ASXL2: variants seen among roughly 807,000 people sequenced by gnomAD.
ASXL2 encodes ASXL transcriptional regulator 2.
ASXL2 carries 23 observed loss-of-function variants against 122.0 expected under a neutral mutation model. The observed-to-expected ratio is 0.19, with a 90% CI of 0.14 to 0.27. The LOEUF (loss-of-function observed/expected upper bound fraction) is 0.27, where lower values mean the gene tolerates loss of function less well. Ranked by LOEUF, ASXL2 falls within the 10% of genes least tolerant of loss-of-function variation. The probability of loss-of-function intolerance (pLI) is 1.00; values close to 1 mark genes in which losing one functional copy is unlikely to be tolerated. For synonymous variants in ASXL2, 650 were observed against 637.0 expected (o/e 1.02, Z -0.31); for missense variants, 1,518 against 1,713.8 (o/e 0.89, Z 2.02).
intron 3 of ASXL2, chr2:25,822,689 A>T: frequency 1.4e-6 from 1 of 707,504 alleles, no homozygotes; most frequent in Non-Finnish European, 2.5e-6. Context: ...GATCAATTGT[A>T]TGTTGTTTAC....
chr2:25,810,307 A>G (rs1414262243), intron 3 of ASXL2: 5 of 647,928 alleles, frequency 7.7e-6, no homozygotes, highest in African/African-American at 5.4e-5. Flanking sequence ...CTATCTGCCT[A>G]TTCTGCAGTG....
chr2:25,847,583 C>T (rs772580770), intron 1 of ASXL2, among the ~76,000 whole-genome samples: 8 of 152,128 alleles, frequency 5.3e-5, no homozygotes, highest in Non-Finnish European at 1.2e-4. Context: ...AAACTTACTG[C>T]CTTCATCCAA....
chr2:25,837,449 G>A (rs951640631), intron 2 of ASXL2, among the ~76,000 whole-genome samples: 4 of 152,124 alleles, frequency 2.6e-5, no homozygotes, highest in African/African-American at 9.7e-5. Context: ...TAAAATGACT[G>A]CAATTTATTT....
intron 4 of ASXL2, 98 bp downstream of exon 4, chr2:25,806,131 G>A: frequency 1.4e-6 from 1 of 701,660 alleles, no homozygotes; most frequent in Non-Finnish European, 2.4e-6. Flanking sequence ...CTGAAAATAA[G>A]CTCTTCAAGA....
At chr2:25,840,026 C>G (rs927612511) in intron 2 of ASXL2, among the ~76,000 whole-genome samples, 8 of 151,768 alleles carry the variant, frequency 5.3e-5, no homozygotes, top group African/African-American at 1.9e-4. Context: ...CCACCATGCC[C>G]AGCTTAAACT....
chr2:25,750,808 C>T (rs753059869), intron 11 of ASXL2, among the ~76,000 whole-genome samples: 1 of 152,130 alleles, frequency 6.6e-6, no homozygotes, highest in Non-Finnish European at 1.5e-5. Context: ...ATTGTCTGGA[C>T]GCATGCATCA....
At position 25,743,594 on chromosome 2, in the gene ASXL2, G is replaced by T; in HGVS notation, c.2743C>A (p.Pro915Thr). 1 of 1,614,036 alleles carries T rather than the reference G, an allele frequency of 6.2e-7. No individual in the cohort carries two copies. The highest frequency in any genetic ancestry group is 8.5e-7 in the Non-Finnish European group (1 of 1,179,896). The stretch of plus-strand genomic sequence containing the variant: ...GCTGCTGGCAAAGTGCTCGAGGGTG[G>T]AGCTGATCCAGCAGGTGCTGTAGTT... ...SATTAPAGSA[P>T]PSSTLPAASS... Residue 915 changes from proline to threonine, a missense_variant, in exon 13 of 13, where the codon CCA becomes ACA. Transcript: ENST00000435504.
In ASXL2 at chr2:25,744,502, C is replaced by A; in HGVS notation, c.1861-26G>T. ...CTGAAAGAAGTAGAGGGGAAAAAAACAACAGAGCTTAGTTTTCATTTGTAA... is the reference window on the plus strand; with the variant it reads ...CTGAAAGAAGTAGAGGGGAAAAAAAAAACAGAGCTTAGTTTTCATTTGTAA... On this transcript the variant is annotated intron_variant, in intron 12 of 12. Coordinates refer to ENST00000435504, the MANE Select transcript of ASXL2 (RefSeq NM_018263.6). This position sits in a 1 kb window ranked among gnomAD's most constrained non-coding sequence, Gnocchi z 4.7. 2.6e-6 allele frequency: 4 copies of A among 1,561,994 alleles called. No homozygotes were observed. The highest frequency in any genetic ancestry group is 3.4e-6 in the Non-Finnish European group (4 of 1,164,694).
Position 25,806,381 on chromosome 2 carries a change from T to C in ASXL2, c.144-44A>G, listed in dbSNP as rs369925083. The C allele has an allele frequency of 1.2e-3, 1,653 of 1,354,102 alleles. 4 individuals are homozygous for C. The highest frequency in any genetic ancestry group is 2.8e-3 in the South Asian group (223 of 80,816). The allele number at this position is 1,354,102 out of a possible 1,614,324, so 83.9% of individuals were successfully genotyped here. ...ATGTGATAAGGAACACAACAATTAA[T>C]TTCTGTCTCTGAATATCCTATGTAA... On this transcript the variant is annotated intron_variant, in intron 3 of 12. Transcript: ENST00000435504.
At chr2:25,795,011 T>C (rs944936962) in intron 5 of ASXL2, among the ~76,000 whole-genome samples, 1 of 152,208 alleles carries the variant, frequency 6.6e-6, no homozygotes, top group Non-Finnish European at 1.5e-5. Context: ...GTATGACCCA[T>C]GAAAGACAGA....
chr2:25,755,974 G>T, intron 10 of ASXL2, 44 bp downstream of exon 10: 2 of 1,481,522 alleles, frequency 1.3e-6, no homozygotes, highest in South Asian at 1.1e-5. Context: ...GAGGTGCTCT[G>T]AGTGCACACA....
rs116741887 is a variant in ASXL2 at position 25,813,734 on chromosome 2, G to A, written c.144-7397C>T. The stretch of plus-strand genomic sequence containing the variant: ...TGAAAGTAAATGGCACACACATCTG[G>A]TGAAAAGATGTGGTAAGAATAACTA... On this transcript the variant is annotated intron_variant, in intron 3 of 12. Coordinates refer to ENST00000435504, the MANE Select transcript of ASXL2 (RefSeq NM_018263.6). Among the ~76,000 whole-genome samples, 1,189 of 152,324 alleles carry A rather than the reference G, an allele frequency of 7.8e-3. 10 individuals carry two copies. The highest frequency in any genetic ancestry group is 0.013 in the Non-Finnish European group (916 of 68,034).
rs1205265764 is a variant in ASXL2 at position 25,733,859 on chromosome 2, G to A, written c.*8170C>T. 5 of 152,104 alleles carry A rather than the reference G, an allele frequency of 3.3e-5. No individual in the cohort carries two copies. The highest frequency in any genetic ancestry group is 7.2e-5 in the African/African-American group (3 of 41,422). 9.4% of individuals were successfully genotyped at this position (152,104 alleles called of 1,614,324 possible). A position where few individuals can be genotyped will look rare whatever the true frequency, so the allele number is the denominator to read the frequency against. On this transcript the variant is annotated 3_prime_UTR_variant, in exon 13 of 13. Transcript: ENST00000435504. Reference sequence around the variant, plus strand: ...ACTTCGAAGAAGGTTGTTTTTATACGACCAATGAAACAGCCTAAAAGTGAC... The same window carrying A: ...ACTTCGAAGAAGGTTGTTTTTATACAACCAATGAAACAGCCTAAAAGTGAC...
At chr2:25,757,099 G>A (rs2088147457) in intron 9 of ASXL2, among the ~76,000 whole-genome samples, 1 of 152,124 alleles carries the variant, frequency 6.6e-6, no homozygotes, top group Non-Finnish European at 1.5e-5. Flanking sequence ...GAAGGAGAGG[G>A]TTTTGATCCA....
At chr2:25,773,631 A>T (rs1250171546) in intron 5 of ASXL2, among the ~76,000 whole-genome samples, 1 of 148,912 alleles carries the variant, frequency 6.7e-6, no homozygotes, top group Non-Finnish European at 1.5e-5. Context: ...ACGCCACTGC[A>T]CTCCAGCCTG....
At chr2:25,866,752 A>G (rs2089908238) in intron 1 of ASXL2, among the ~76,000 whole-genome samples, 1 of 152,038 alleles carries the variant, frequency 6.6e-6, no homozygotes, top group African/African-American at 2.4e-5. Context: ...AAAGAATCTG[A>G]GATAGAGTCT....
In ASXL2 at chr2:25,822,596, A is replaced by G. The variant is rs911079818; in HGVS notation, c.143+12942T>C. ...CTTAACATTCAGTTGTCTCAGAGGAAGTGATAATTTTAAGTATTTAAATGA... is the reference window on the plus strand; with the variant it reads ...CTTAACATTCAGTTGTCTCAGAGGAGGTGATAATTTTAAGTATTTAAATGA... On this transcript the variant is annotated intron_variant, in intron 3 of 12. Transcript: ENST00000435504. 1.3e-5 allele frequency: 7 copies of G among 526,728 alleles called. No homozygotes were observed. The Admixed American group carries it at 1.7e-4, about 13-fold the overall frequency. The allele number at this position is 526,728 out of a possible 1,614,324, so 32.6% of individuals were successfully genotyped here. A position where few individuals can be genotyped will look rare whatever the true frequency, so the allele number is the denominator to read the frequency against.
Position 25,737,370 on chromosome 2 carries a change from C to A in ASXL2, c.*4659G>T, listed in dbSNP as rs188382676. 1.3e-5 allele frequency: 2 copies of A among 151,952 alleles called. No individual in the cohort carries two copies. Among genetic ancestry groups the A allele is most frequent in the Non-Finnish European group, 2.9e-5 (2 of 67,970 alleles). 9.4% of individuals were successfully genotyped at this position (151,952 alleles called of 1,614,324 possible). Reference sequence around the variant, plus strand: ...TCCTTACCATTCTTTGATTTAGGAGCAAACAATGGGCACATTAATAAAGAG... The same window carrying A: ...TCCTTACCATTCTTTGATTTAGGAGAAAACAATGGGCACATTAATAAAGAG... On this transcript the variant is annotated 3_prime_UTR_variant, in exon 13 of 13. Coordinates refer to ENST00000435504, the MANE Select transcript of ASXL2 (RefSeq NM_018263.6).
intron 1 of ASXL2, among the ~76,000 whole-genome samples, chr2:25,863,181 T>C (rs1418810285): frequency 6.6e-6 from 1 of 151,500 alleles, no homozygotes; most frequent in Non-Finnish European, 1.5e-5. Context: ...ATACAAAAAA[T>C]TAGCCGGGCG....
Sources: allele counts gnomAD v4.1 joint callset (sites outside exome capture counted in the v4.1 genomes callset), GRCh38; gene constraint gnomAD v4.1.1; non-coding constraint Gnocchi (gnomAD v3.1); transcripts MANE v1.5; gene names NCBI Gene and HGNC (gene_info 2026-07-23, HGNC 2026-07-21).